FBLN2: variants seen among roughly 807,000 people sequenced by gnomAD.
FBLN2 encodes fibulin 2.
A neutral mutation model predicts 123.7 loss-of-function variants in FBLN2; 81 were observed. That is an observed-to-expected ratio of 0.65 (90% CI 0.55 to 0.79). The LOEUF (loss-of-function observed/expected upper bound fraction) is 0.79. FBLN2 is among the 30% of genes least tolerant of loss of function. The pLI is 0.00. For synonymous variants in FBLN2, 699 were observed against 701.4 expected (o/e 1.00, Z 0.05); for missense variants, 1,603 against 1,681.3 (o/e 0.95, Z 0.81).
intron 4 of FBLN2, among the ~76,000 whole-genome samples, chr3:13,610,311 CTG>C (rs1339427763): frequency 2.6e-5 from 4 of 152,122 alleles, no homozygotes; most frequent in Non-Finnish European, 5.9e-5. Flanking sequence ...TGTGGTTTGA[CTG>C]TGGGTGAGGT....
At chr3:13,579,769 G>A (rs1188858465) in intron 2 of FBLN2, among the ~76,000 whole-genome samples, 1 of 152,232 alleles carries the variant, frequency 6.6e-6, no homozygotes, top group African/African-American at 2.4e-5. Flanking sequence ...TCTACACCAT[G>A]CCCCAGTGTG....
intron 4 of FBLN2, among the ~76,000 whole-genome samples, chr3:13,611,845 C>T (rs550191103): frequency 2.3e-4 from 35 of 152,268 alleles, no homozygotes; most frequent in African/African-American, 7.2e-4. Flanking sequence ...GCAAGGAAGA[C>T]TAGGGAATGT....
intron 3 of FBLN2, among the ~76,000 whole-genome samples, chr3:13,608,995 C>T (rs987306379): frequency 6.6e-6 from 1 of 152,236 alleles, no homozygotes; most frequent in African/African-American, 2.4e-5. Flanking sequence ...TGGGGCTAAG[C>T]GGTCCTAGTG....
At chr3:13,631,181 C>A (rs1382813319) in intron 15 of FBLN2, 148 bp from the exon 16 acceptor site, 2 of 1,063,228 alleles carry the variant, frequency 1.9e-6, no homozygotes, top group Non-Finnish European at 2.7e-6. Context: ...TGGCCTTGGG[C>A]AACTCTCTTC....
At chr3:13,560,259 A>C (rs1703568171) in intron 1 of FBLN2, among the ~76,000 whole-genome samples, 1 of 151,608 alleles carries the variant, frequency 6.6e-6, no homozygotes, top group Non-Finnish European at 1.5e-5. Flanking sequence ...TAGGGAGGAG[A>C]GGGAAGGGAG....
chr3:13,551,058 C>A (rs574023001), intron 1 of FBLN2, among the ~76,000 whole-genome samples: 3 of 152,312 alleles, frequency 2.0e-5, no homozygotes, highest in African/African-American at 7.2e-5. Context: ...GGCAGGGGCG[C>A]TGTTTGGTCC....
chr3:13,635,388 A>C (rs1183196699), intron 16 of FBLN2, among the ~76,000 whole-genome samples: 1 of 151,814 alleles, frequency 6.6e-6, no homozygotes, highest in Non-Finnish European at 1.5e-5. Context: ...ACACACACAC[A>C]CACACACACA....
chr3:13,634,696 T>C (rs1379047488), intron 16 of FBLN2, among the ~76,000 whole-genome samples: 1 of 152,214 alleles, frequency 6.6e-6, no homozygotes, highest in Non-Finnish European at 1.5e-5. Flanking sequence ...CTGGGGCCTA[T>C]TTTACGGAGG....
In FBLN2 at chr3:13,571,249, A is replaced by T. The variant is rs757771722; in HGVS notation, c.894A>T (p.Ala298=). The T allele has an allele frequency of 3.8e-6, 6 of 1,567,746 alleles. No homozygotes were observed. The highest frequency in any genetic ancestry group is 5.2e-6 in the Non-Finnish European group (6 of 1,156,788). The change falls in exon 2 of 18, where the codon GCA becomes GCT. Residue 298 remains alanine, a synonymous_variant. Transcript: ENST00000404922. ...EEMAVTEQLA[A]GGHRGLDGLP... ...TGGCTGTCACTGAGCAGCTGGCAGCAGGTGGCCACAGGGGGCTGGATGGGC... is the reference window on the plus strand; with the variant it reads ...TGGCTGTCACTGAGCAGCTGGCAGCTGGTGGCCACAGGGGGCTGGATGGGC...
chr3:13,559,026 G>T (rs1278534174), intron 1 of FBLN2, among the ~76,000 whole-genome samples: 2 of 152,064 alleles, frequency 1.3e-5, no homozygotes, highest in Non-Finnish European at 2.9e-5. Context: ...AACAGAGGGG[G>T]ATGGGTTAGG....
intron 2 of FBLN2, among the ~76,000 whole-genome samples, chr3:13,600,894 G>A (rs908085822): frequency 2.0e-5 from 3 of 152,198 alleles, no homozygotes; most frequent in African/African-American, 2.4e-5. Flanking sequence ...GGGATTACAG[G>A]CGTGAGCCAC....
intron 1 of FBLN2, among the ~76,000 whole-genome samples, chr3:13,562,508 C>T (rs1020148985): frequency 9.9e-5 from 15 of 152,032 alleles, no homozygotes; most frequent in African/African-American, 2.4e-4. Flanking sequence ...AGGTATATGC[C>T]ACCACACCTG....
intron 15 of FBLN2, among the ~76,000 whole-genome samples, chr3:13,631,048 G>A (rs1198463130): frequency 2.6e-5 from 4 of 152,180 alleles, no homozygotes; most frequent in Non-Finnish European, 4.4e-5. Context: ...ACTTCAGGGG[G>A]ATGAAGACCT....
intron 6 of FBLN2, 66 bp from the exon 7 acceptor site, chr3:13,618,838 G>A (rs1705729477): frequency 8.5e-7 from 1 of 1,176,122 alleles, no homozygotes; most frequent in Non-Finnish European, 1.2e-6. Context: ...GTGCCTGGAA[G>A]TGCCTGAGGC....
intron 2 of FBLN2, among the ~76,000 whole-genome samples, chr3:13,573,416 T>C (rs917077262): frequency 5.3e-5 from 8 of 152,048 alleles, no homozygotes; most frequent in Non-Finnish European, 1.0e-4. Context: ...TCAGATCCCC[T>C]GAGTGAGGCT....
chr3:13,556,394 G>A (rs957461615), intron 1 of FBLN2, among the ~76,000 whole-genome samples: 2 of 152,068 alleles, frequency 1.3e-5, no homozygotes, highest in East Asian at 3.9e-4. Flanking sequence ...GTGAGCTCTG[G>A]TCTTTCTTTC....
In FBLN2 at chr3:13,586,495, G is replaced by GTT. The variant is rs1245229846; in HGVS notation, c.1306+14850_1306+14851dup. On this transcript the variant is annotated intron_variant, in intron 2 of 17. Transcript: ENST00000404922. Reference sequence around the variant, plus strand: ...ACCACGCCTGGCGTATGTCTTAGTTGTTTTTTTTTTTTTTTTTATTGAAAT... The same window carrying GTT: ...ACCACGCCTGGCGTATGTCTTAGTTGTTTTTTTTTTTTTTTTTTTATTGAAAT... Among the ~76,000 whole-genome samples, 460 of 117,770 alleles carry GTT rather than the reference G, an allele frequency of 3.9e-3. 6 individuals are homozygous for GTT. The highest frequency in any genetic ancestry group is 0.012 in the African/African-American group (371 of 32,214). The allele number at this position is 117,770 out of a possible 152,430, so 77.3% of individuals were successfully genotyped here.
chr3:13,623,030 C>A (rs1024932558), intron 9 of FBLN2, among the ~76,000 whole-genome samples: 6 of 152,254 alleles, frequency 3.9e-5, no homozygotes, highest in African/African-American at 1.4e-4. Flanking sequence ...TGCTTGGGGA[C>A]CATGTCCAGC....
At chr3:13,617,601 A>ATCCT (rs1705669822) in intron 5 of FBLN2, among the ~76,000 whole-genome samples, 1 of 144,954 alleles carries the variant, frequency 6.9e-6, no homozygotes, top group Non-Finnish European at 1.5e-5. Flanking sequence ...CCATCCATCC[A>ATCCT]TCCATCCATC....
Sources: allele counts gnomAD v4.1 joint callset (sites outside exome capture counted in the v4.1 genomes callset), GRCh38; gene constraint gnomAD v4.1.1; transcripts MANE v1.5; gene names NCBI Gene and HGNC (gene_info 2026-07-23, HGNC 2026-07-21).